The following FAM120B variants were observed in gnomAD, a reference collection of about 807,000 sequenced individuals.
FAM120B encodes the protein family with sequence similarity 120 member B, also known as constitutive coactivator of peroxisome proliferator-activated receptor gamma.
FAM120B carries 83 observed loss-of-function variants against 96.3 expected under a neutral mutation model. The observed-to-expected ratio is 0.86, with a 90% confidence interval of 0.72 to 1.03. FAM120B has a LOEUF of 1.03. Among genes scored for constraint, FAM120B ranks in the 50% least tolerant of loss-of-function variants. FAM120B has a pLI of 0.00. For synonymous variants in FAM120B, 407 were observed against 402.7 expected (o/e 1.01, Z -0.13); for missense variants, 1,027 against 1,121.2 (o/e 0.92, Z 1.20).
rs566147885 is a variant in FAM120B, at chr6:170,403,972, G to A, written c.2693-578G>A. Among the ~76,000 whole-genome samples, 3 of 152,326 alleles carry A rather than the reference G, an allele frequency of 2.0e-5. No individual in the cohort carries two copies. In the East Asian group the frequency reaches 5.8e-4, roughly 29 times the overall value. On this transcript the variant is annotated intron_variant, in intron 9 of 10. Coordinates refer to ENST00000476287, the MANE Select transcript of FAM120B (RefSeq NM_032448.3). ...AGGAGAGGCATGGAGACCATCCCCA[G>A]TCACGGCAAGTGAAGGCTCTTGCCG... is the stretch of plus-strand genomic sequence containing the variant.
intron 5 of FAM120B, among the ~76,000 whole-genome samples, chr6:170,348,960 C>T (rs1244410657): frequency 6.6e-6 from 1 of 152,138 alleles, no homozygotes; most frequent in Non-Finnish European, 1.5e-5. Context: ...TAGGCTCACT[C>T]GACAAGGTGG....
intron 5 of FAM120B, among the ~76,000 whole-genome samples, chr6:170,350,044 C>T (rs915633866): frequency 6.6e-6 from 1 of 152,178 alleles, no homozygotes; most frequent in Non-Finnish European, 1.5e-5. Flanking sequence ...ACCACCACAG[C>T]CTTGAGTCTG....
chr6:170,327,585 C>G (rs1168417345), intron 3 of FAM120B, among the ~76,000 whole-genome samples: 1 of 151,106 alleles, frequency 6.6e-6, no homozygotes, highest in Non-Finnish European at 1.5e-5. Context: ...GTGGGAAGAC[C>G]AGGATATGAC....
intron 3 of FAM120B, among the ~76,000 whole-genome samples, chr6:170,325,851 C>CA (rs35486860): frequency 0.014 from 1,615 of 119,444 alleles, 36 homozygotes; most frequent in African/African-American, 0.048. Flanking sequence ...GACTTCATCT[C>CA]AAAAAAAAAA....
At chr6:170,320,532 G>A (rs549963197) in intron 2 of FAM120B, among the ~76,000 whole-genome samples, 2 of 152,334 alleles carry the variant, frequency 1.3e-5, no homozygotes, top group South Asian at 4.1e-4. Flanking sequence ...TCTTGCTGTG[G>A]AGGTGAAGTT....
chr6:170,318,269 CA>C lies in FAM120B; in HGVS notation c.882del (p.Ala295LeufsTer27). ...LEEILPLGPNKALFYKGMASY... is the reference protein window; with the variant it reads ...LEEILPLGPNXALFYKGMASY... ...AAGAGATATTACCTCTGGGACCAAACAAAGCTCTTTTTTATAAAGGAATGGC... is the reference window on the plus strand; with the variant it reads ...AAGAGATATTACCTCTGGGACCAAACAAGCTCTTTTTTATAAAGGAATGGC... On this transcript the variant is annotated frameshift_variant, in exon 2 of 11. Transcript: ENST00000476287. LOFTEE classifies it high-confidence loss of function. 6.2e-7 allele frequency: 1 copy of C among 1,614,058 alleles called. No homozygotes were observed. The highest frequency in any genetic ancestry group is 8.5e-7 in the Non-Finnish European group (1 of 1,179,994).
intron 5 of FAM120B, among the ~76,000 whole-genome samples, chr6:170,351,359 T>C (rs1332224848): frequency 6.6e-6 from 1 of 152,092 alleles, no homozygotes; most frequent in East Asian, 1.9e-4. Context: ...CGGAACCAAG[T>C]TGGAAAACAT....
At chr6:170,350,229 A>T (rs112346677) in intron 5 of FAM120B, among the ~76,000 whole-genome samples, 1 of 152,200 alleles carries the variant, frequency 6.6e-6, no homozygotes, top group Non-Finnish European at 1.5e-5. Context: ...TGCAGGCTGC[A>T]CTTCCATGGC....
At chr6:170,292,434 G>C (rs894862022), upstream of FAM120B, among the ~76,000 whole-genome samples, 1 of 151,834 alleles carries the variant, frequency 6.6e-6, no homozygotes, top group African/African-American at 2.4e-5. The surrounding 1 kb of genome is among the most constrained non-coding windows in gnomAD (Gnocchi z 6.6). Flanking sequence ...CAACACCTCC[G>C]TAGCTTCATT....
upstream of FAM120B, among the ~76,000 whole-genome samples, chr6:170,292,692 C>T (rs1289105294): frequency 6.6e-6 from 1 of 152,226 alleles, no homozygotes; most frequent in African/African-American, 2.4e-5. This position sits in a 1 kb window ranked among gnomAD's most constrained non-coding sequence, Gnocchi z 6.6. Context: ...GTGGTGAAGT[C>T]GTCCAGGGCA....
chr6:170,312,340 A>C (rs1784641625), intron 1 of FAM120B, among the ~76,000 whole-genome samples: 1 of 152,168 alleles, frequency 6.6e-6, no homozygotes, highest in Non-Finnish European at 1.5e-5. Context: ...CCTCCCTAAA[A>C]TTTATGTCTT....
Position 170,319,127 on chromosome 6 carries a change from A to G in FAM120B, c.1734+3A>G, listed in dbSNP as rs1477711074. 6.5e-6 allele frequency: 10 copies of G among 1,548,746 alleles called. No homozygotes were observed. In the Admixed American group the frequency reaches 1.0e-4, roughly 16 times the overall value. On this transcript the variant is annotated splice_donor_region_variant and intron_variant, in intron 2 of 10. Transcript: ENST00000476287. Reference sequence around the variant, plus strand: ...TTTCAGACACTGAAATCTTAAAGGTATGTGTATCTGCCCAGCCAATATGCC... The same window carrying G: ...TTTCAGACACTGAAATCTTAAAGGTGTGTGTATCTGCCCAGCCAATATGCC...
intron 4 of FAM120B, among the ~76,000 whole-genome samples, chr6:170,333,551 T>C (rs1786209644): frequency 1.3e-5 from 2 of 148,482 alleles, no homozygotes; most frequent in Admixed American, 6.9e-5. Context: ...AGAGTCTCAC[T>C]CTGTCGCCCA....
intron 9 of FAM120B, among the ~76,000 whole-genome samples, chr6:170,395,792 C>A (rs1040166991): frequency 6.6e-6 from 1 of 152,182 alleles, no homozygotes; most frequent in Non-Finnish European, 1.5e-5. Context: ...TGCATCTGGC[C>A]ACTTTATTCA....
In FAM120B at chr6:170,317,802, G is replaced by T. The variant is rs764989085; in HGVS notation, c.412G>T (p.Ala138Ser). 6.2e-7 allele frequency: 1 copy of T among 1,614,208 alleles called. No homozygotes were observed. The highest frequency in any genetic ancestry group is 8.5e-7 in the Non-Finnish European group (1 of 1,180,040). ...TATGTTCTTCATCCCCTCAGGGCTA[G>T]CTGTGTTTACACGATTTGCTCTAAA... ...RNMFFIPSGLAVFTRFALKTL... is the reference protein window; with the variant it reads ...RNMFFIPSGLSVFTRFALKTL... The change falls in exon 2 of 11, where the codon GCT becomes TCT. Residue 138 changes from alanine (A) to serine (S), a missense_variant. This residue lies in a region of FAM120B where 880 missense variants were observed against 980.9 expected (regional missense o/e 0.90). Transcript: ENST00000476287.
intron 1 of FAM120B, among the ~76,000 whole-genome samples, chr6:170,313,910 CTG>C (rs1231312752): frequency 6.6e-6 from 1 of 152,236 alleles, no homozygotes; most frequent in East Asian, 1.9e-4. Flanking sequence ...TGCCCTTGGG[CTG>C]TCTGTAAGTC....
At chr6:170,353,795 T>C (rs1206635879) in intron 5 of FAM120B, among the ~76,000 whole-genome samples, 3 of 152,196 alleles carry the variant, frequency 2.0e-5, no homozygotes, top group Non-Finnish European at 4.4e-5. Context: ...TGGAGAACCA[T>C]TCCATGCTCA....
intron 5 of FAM120B, among the ~76,000 whole-genome samples, chr6:170,357,741 G>C (rs1407449573): frequency 2.0e-5 from 3 of 152,246 alleles, no homozygotes; most frequent in Admixed American, 2.0e-4. Context: ...ATTATTCCCA[G>C]ATGTTCTGCG....
At chr6:170,299,854 C>T (rs1273696028) in intron 1 of FAM120B, among the ~76,000 whole-genome samples, 2 of 152,230 alleles carry the variant, frequency 1.3e-5, no homozygotes, top group African/African-American at 4.8e-5. Flanking sequence ...TCTGCTCTGA[C>T]ATCCATGCCC....
Sources: allele counts gnomAD v4.1 joint callset (sites outside exome capture counted in the v4.1 genomes callset), GRCh38; gene constraint gnomAD v4.1.1; regional missense constraint gnomAD v4.1.1; non-coding constraint Gnocchi (gnomAD v3.1); transcripts MANE v1.5; gene names NCBI Gene and HGNC (gene_info 2026-07-23, HGNC 2026-07-21).